The following DENND4A variants were observed in gnomAD, a reference collection of about 807,000 sequenced individuals.
DENND4A encodes the protein DENN domain containing 4A.
DENND4A carries 70 observed loss-of-function variants against 199.3 expected under a neutral mutation model. The observed-to-expected ratio is 0.35, with a 90% CI of 0.29 to 0.43. The LOEUF (loss-of-function observed/expected upper bound fraction) is 0.43, where lower values mean the gene tolerates loss of function less well. Among genes scored for constraint, DENND4A ranks in the 20% least tolerant of loss-of-function variants. The probability of loss-of-function intolerance (pLI) is 1.00; values close to 1 mark genes in which losing one functional copy is unlikely to be tolerated. For synonymous variants in DENND4A, 686 were observed against 766.9 expected, an observed-to-expected ratio of 0.89 and a Z score of 1.74; for missense variants, 1,723 against 2,255.8, an observed-to-expected ratio of 0.76 and a Z score of 4.78.
At chr15:65,693,079 A>C (rs1322905397) in intron 22 of DENND4A, among the ~76,000 whole-genome samples, 3 of 152,196 alleles carry the variant, frequency 2.0e-5, no homozygotes, top group African/African-American at 7.2e-5. Context: ...TTTACAAAAA[A>C]GTTTGCCTGA....
chr15:65,720,519 C>A (rs1219491694), intron 12 of DENND4A, among the ~76,000 whole-genome samples: 5 of 151,074 alleles, frequency 3.3e-5, no homozygotes, highest in Non-Finnish European at 7.4e-5. Flanking sequence ...TCAAGCTATT[C>A]TCCAGCCTCA....
intron 30 of DENND4A, 72 bp downstream of exon 30, chr15:65,665,273 G>T: frequency 1.7e-6 from 2 of 1,175,298 alleles, no homozygotes; most frequent in Non-Finnish European, 2.5e-6. Flanking sequence ...GTTATACATT[G>T]GTTTATGCTA....
At chr15:65,685,681 CTG>C (rs1476716220) in intron 23 of DENND4A, among the ~76,000 whole-genome samples, 4 of 152,008 alleles carry the variant, frequency 2.6e-5, no homozygotes, top group Non-Finnish European at 5.9e-5. Context: ...TATTTTCAAT[CTG>C]TGGTTGGTTG....
At chr15:65,706,747 G>A (rs2075074815) in intron 14 of DENND4A, among the ~76,000 whole-genome samples, 1 of 152,162 alleles carries the variant, frequency 6.6e-6, no homozygotes, top group East Asian at 1.9e-4. Flanking sequence ...GCCCGCCTTG[G>A]CCTCCCAAAG....
intron 18 of DENND4A, among the ~76,000 whole-genome samples, chr15:65,701,544 C>T (rs979849259): frequency 3.3e-5 from 5 of 151,862 alleles, no homozygotes; most frequent in African/African-American, 9.7e-5. Flanking sequence ...TCTAGCCTGG[C>T]GCTAGAGTCT....
intron 4 of DENND4A, among the ~76,000 whole-genome samples, chr15:65,744,259 A>C (rs920589447): frequency 2.6e-5 from 4 of 152,336 alleles, no homozygotes; most frequent in Admixed American, 6.5e-5. Flanking sequence ...AACTCAATTG[A>C]GATGGAGAAG....
At chr15:65,741,376 G>A (rs2076257154) in intron 5 of DENND4A, among the ~76,000 whole-genome samples, 1 of 152,056 alleles carries the variant, frequency 6.6e-6, no homozygotes, top group African/African-American at 2.4e-5. Context: ...GATTTCATGT[G>A]AACTACAGCT....
chr15:65,755,467 C>T (rs2076677001), intron 3 of DENND4A, among the ~76,000 whole-genome samples: 1 of 152,152 alleles, frequency 6.6e-6, no homozygotes, highest in Non-Finnish European at 1.5e-5. Context: ...ACACAGTTAA[C>T]AATCCATCTA....
intron 23 of DENND4A, among the ~76,000 whole-genome samples, chr15:65,683,084 G>A (rs904091261): frequency 3.9e-5 from 6 of 152,140 alleles, no homozygotes; most frequent in Non-Finnish European, 5.9e-5. Flanking sequence ...GTAAGCACAC[G>A]CTGTTGGAAA....
chr15:65,741,564 A>T, intron 5 of DENND4A, 151 bp downstream of exon 5: 1 of 508,858 alleles, frequency 2.0e-6, no homozygotes, highest in Non-Finnish European at 3.4e-6. Context: ...TCCAATAAAC[A>T]TATAAGTGAA....
rs1490184411 is a variant in DENND4A at position 65,667,442 on chromosome 15, C to T, written c.5241+7G>A. The stretch of plus-strand genomic sequence containing the variant: ...CATTCATTGCCTTTTAATTTTTAGT[C>T]TCATACCTTTGAATACTTGTTACAG... On this transcript the variant is annotated splice_region_variant and intron_variant, in intron 29 of 32. Transcript: ENST00000443035. 8 of 1,612,980 alleles carry T rather than the reference C, an allele frequency of 5.0e-6. No individual in the cohort carries two copies. Among genetic ancestry groups the T allele is most frequent in the Non-Finnish European group, 6.8e-6 (8 of 1,179,462 alleles).
intron 23 of DENND4A, among the ~76,000 whole-genome samples, chr15:65,681,613 G>C (rs1357132690): frequency 7.2e-6 from 1 of 138,182 alleles, no homozygotes; most frequent in African/African-American, 2.7e-5. Flanking sequence ...GTATAATTCT[G>C]TCAGCCAGGC....
At chr15:65,761,599 A>G (rs747793210) in intron 1 of DENND4A, among the ~76,000 whole-genome samples, 161 bp from the exon 2 acceptor site, 1 of 152,184 alleles carries the variant, frequency 6.6e-6, no homozygotes, top group African/African-American at 2.4e-5. Flanking sequence ...ATTTTTAAAA[A>G]CAAGATTTCA....
intron 7 of DENND4A, among the ~76,000 whole-genome samples, chr15:65,733,807 C>T (rs1038060280): frequency 1.3e-5 from 2 of 152,178 alleles, no homozygotes; most frequent in African/African-American, 4.8e-5. Context: ...CTCTCTGAAA[C>T]ATGTGCTGTG....
chr15:65,680,048 G>C (rs1420499202), intron 23 of DENND4A, among the ~76,000 whole-genome samples: 1 of 152,066 alleles, frequency 6.6e-6, no homozygotes, highest in Non-Finnish European at 1.5e-5. Context: ...TCATACCTTT[G>C]TGAGCTGGAG....
rs747790691 is a variant in DENND4A, at chr15:65,696,417, G to A, written c.3031C>T (p.Leu1011Phe). 6 of 1,612,760 alleles carry A rather than the reference G, an allele frequency of 3.7e-6. No individual in the cohort carries two copies. The highest frequency in any genetic ancestry group is 5.1e-6 in the Non-Finnish European group (6 of 1,179,076). Residue 1011 changes from leucine (L) to phenylalanine (F), a missense_variant, in exon 22 of 33, where the codon CTC (leucine) becomes TTC (phenylalanine). Leu to Phe is a conservative substitution (Grantham distance 22). Transcript: ENST00000443035. ...GCACTGTTGTTACTTGTACCAGTGA[G>A]GCGAACGATACTGGAAGAATTTTGA... is the stretch of plus-strand genomic sequence containing the variant. ...SYQNSSSIVRLTGTSNNSAGK... is the reference protein window; with the variant it reads ...SYQNSSSIVRFTGTSNNSAGK...
chr15:65,761,209 T>C (rs2076842114), intron 2 of DENND4A, among the ~76,000 whole-genome samples, 151 bp downstream of exon 2: 1 of 152,240 alleles, frequency 6.6e-6, no homozygotes, highest in South Asian at 2.1e-4. Flanking sequence ...CATCTTTCAA[T>C]GAATTATTTT....
chr15:65,770,496 T>G (rs560989971), intron 1 of DENND4A, among the ~76,000 whole-genome samples: 1 of 152,228 alleles, frequency 6.6e-6, no homozygotes, highest in East Asian at 1.9e-4. Context: ...TTTCTATGCA[T>G]GTATATGTAT....
intron 1 of DENND4A, among the ~76,000 whole-genome samples, chr15:65,788,447 A>T (rs1290983024): frequency 6.6e-6 from 1 of 152,202 alleles, no homozygotes; most frequent in Non-Finnish European, 1.5e-5. Context: ...AATAAGCATG[A>T]TATTTTGGGT....
Sources: gnomAD v4.1 joint callset for allele counts (sites outside exome capture counted in the v4.1 genomes callset) on GRCh38, gnomAD v4.1.1 for gene constraint, MANE v1.5 for transcripts, NCBI Gene and HGNC (gene_info 2026-07-23, HGNC 2026-07-21) for gene names.